SUSD4: variants seen among roughly 807,000 people sequenced by gnomAD.
The protein encoded by SUSD4 is sushi domain-containing protein 4.
SUSD4 carries 41 observed loss-of-function variants against 50.5 expected under a neutral mutation model. That is an observed-to-expected ratio of 0.81 (90% CI 0.63 to 1.05). The LOEUF is 1.05. Among genes scored for constraint, SUSD4 ranks in the 50% least tolerant of loss-of-function variants. The pLI, the probability that SUSD4 is intolerant of heterozygous loss-of-function variation, is 0.00. For synonymous variants in SUSD4, 257 were observed against 257.3 expected (o/e 1.00, Z 0.01); for missense variants, 580 against 634.7 (o/e 0.91, Z 0.93).
At chr1:223,263,534 G>A (rs1662268733) in intron 5 of SUSD4, 1 of 984,980 alleles carries the variant, frequency 1.0e-6, no homozygotes. Context: ...GTGGGAAGTG[G>A]AGTGAGGGGA....
chr1:223,222,378 T>C (rs1026587268), intron 8 of SUSD4, among the ~76,000 whole-genome samples, 158 bp from the exon 9 acceptor site: 1 of 152,168 alleles, frequency 6.6e-6, no homozygotes, highest in Non-Finnish European at 1.5e-5. Context: ...TAAATCAACC[T>C]CCTATACAAC....
At chr1:223,348,070 C>A (rs1385144934) in intron 2 of SUSD4, among the ~76,000 whole-genome samples, 3 of 151,378 alleles carry the variant, frequency 2.0e-5, no homozygotes, top group African/African-American at 7.3e-5. Context: ...ATCTAAGCAA[C>A]AGGAACATTC....
chr1:223,230,104 C>A (rs190777235), intron 5 of SUSD4, among the ~76,000 whole-genome samples: 1 of 152,156 alleles, frequency 6.6e-6, no homozygotes, highest in East Asian at 1.9e-4. Context: ...GGTTCTGACT[C>A]GAATATCCCA....
chr1:223,254,533 G>A (rs1004359350), intron 5 of SUSD4, among the ~76,000 whole-genome samples: 7 of 152,222 alleles, frequency 4.6e-5, no homozygotes, highest in African/African-American at 1.7e-4. Context: ...AGAGGATGAG[G>A]ACCATCTATC....
intron 2 of SUSD4, among the ~76,000 whole-genome samples, chr1:223,358,473 CAG>C (rs1362354846): frequency 6.6e-6 from 1 of 152,170 alleles, no homozygotes; most frequent in Admixed American, 6.5e-5. Context: ...TTGTTTATAC[CAG>C]AGTTTCCCAT....
intron 2 of SUSD4, chr1:223,360,245 T>C (rs1280825432): frequency 2.1e-6 from 1 of 470,636 alleles, no homozygotes; most frequent in Non-Finnish European, 4.4e-6. Flanking sequence ...GCTCTCTTCC[T>C]TGAAGCCTGG....
intron 5 of SUSD4, chr1:223,263,631 C>T (rs1209482161): frequency 2.0e-6 from 2 of 985,290 alleles, no homozygotes; most frequent in Middle Eastern, 5.2e-4. Flanking sequence ...CATCCTTCTC[C>T]AAAGAGATTC....
rs1659611505 is a variant in SUSD4 at position 223,227,726 on chromosome 1, G to A, written c.929C>T (p.Pro310Leu). ...GGTCAGGAGGGTCTCATGGGTGCTG[G>A]GCCACGTTTGCTCTGCATGAGGGAG... ...VYCIKSEQTW[P>L]STHETLLTTW... Residue 310 changes from proline (P) to leucine (L), a missense_variant, in exon 7 of 9, where the codon CCC becomes CTC. Physicochemically the swap from Pro to Leu is moderately conservative, Grantham distance 98 (BLOSUM62 -3). Coordinates refer to ENST00000366878, the MANE Select transcript of SUSD4 (RefSeq NM_017982.4). This position sits in a 1 kb window ranked among gnomAD's most constrained non-coding sequence, Gnocchi z 4.5. 2.5e-6 allele frequency: 4 copies of A among 1,611,828 alleles called. No individual in the cohort carries two copies. The highest frequency in any genetic ancestry group is 1.1e-5 in the South Asian group (1 of 90,504).
chr1:223,313,433 C>T (rs1665997487), intron 2 of SUSD4, among the ~76,000 whole-genome samples: 2 of 152,132 alleles, frequency 1.3e-5, no homozygotes, highest in Admixed American at 1.3e-4. Flanking sequence ...AGACCTTATC[C>T]TATGTGTGTC....
chr1:223,324,266 G>A (rs753042476), intron 2 of SUSD4, among the ~76,000 whole-genome samples: 22 of 150,702 alleles, frequency 1.5e-4, no homozygotes, highest in Non-Finnish European at 2.7e-4. Flanking sequence ...GAAGAGAAAG[G>A]AAAACAAAAC....
In SUSD4 at chr1:223,222,116, C is replaced by G. The variant is rs556839784; in HGVS notation, c.*76G>C. 17 of 1,518,230 alleles carry G rather than the reference C, an allele frequency of 1.1e-5. No homozygotes were observed. The highest frequency in any genetic ancestry group is 9.9e-6 in the Non-Finnish European group (11 of 1,109,310). The allele number at this position is 1,518,230 out of a possible 1,614,324, so 94.0% of individuals were successfully genotyped here. A position where few individuals can be genotyped will look rare whatever the true frequency, so the allele number is the denominator to read the frequency against. The stretch of plus-strand genomic sequence containing the variant: ...TAGACATTTTGCCCCCAGGCTCTAT[C>G]CTTCTGTGACCTCACTCCAAGATAC... On this transcript the variant is annotated 3_prime_UTR_variant, in exon 9 of 9. Transcript: ENST00000366878.
At chr1:223,247,954 C>T (rs1401588381) in intron 5 of SUSD4, among the ~76,000 whole-genome samples, 1 of 152,154 alleles carries the variant, frequency 6.6e-6, no homozygotes, top group East Asian at 1.9e-4. Flanking sequence ...TGGGTCTTCA[C>T]CTTTCACCGG....
intron 2 of SUSD4, among the ~76,000 whole-genome samples, chr1:223,362,907 CAA>C (rs1229723496): frequency 6.6e-6 from 1 of 150,732 alleles, no homozygotes; most frequent in Non-Finnish European, 1.5e-5. Flanking sequence ...AAGAGGTCCA[CAA>C]ATACACCACT....
chr1:223,279,847 G>A, intron 3 of SUSD4, among the ~76,000 whole-genome samples: 1 of 152,180 alleles, frequency 6.6e-6, no homozygotes, highest in Admixed American at 6.5e-5. Flanking sequence ...AGAAAGGTTA[G>A]GTTACCCACA....
intron 2 of SUSD4, among the ~76,000 whole-genome samples, chr1:223,302,875 A>G (rs539856369): frequency 6.6e-6 from 1 of 152,312 alleles, no homozygotes; most frequent in South Asian, 2.1e-4. Context: ...TACAACTAAC[A>G]TTAATAAGGA....
At chr1:223,295,384 C>A (rs539083405) in intron 2 of SUSD4, among the ~76,000 whole-genome samples, 2 of 152,306 alleles carry the variant, frequency 1.3e-5, no homozygotes, top group African/African-American at 2.4e-5. Context: ...AGGTAAAAGT[C>A]ATTCTCTCTC....
intron 2 of SUSD4, among the ~76,000 whole-genome samples, chr1:223,352,341 G>T (rs1668413270): frequency 1.3e-5 from 2 of 152,218 alleles, no homozygotes; most frequent in Admixed American, 1.3e-4. Flanking sequence ...AATGAAAACT[G>T]CAGCAGCAGA....
At chr1:223,293,522 G>A (rs1401722480) in intron 2 of SUSD4, among the ~76,000 whole-genome samples, 3 of 152,178 alleles carry the variant, frequency 2.0e-5, no homozygotes, top group African/African-American at 7.2e-5. Flanking sequence ...TGAGGTTGGA[G>A]GACAGCAGCT....
chr1:223,292,679 C>G, intron 2 of SUSD4, 28 bp from the exon 3 acceptor site: 1 of 1,609,340 alleles, frequency 6.2e-7, no homozygotes, highest in South Asian at 1.1e-5. Flanking sequence ...GGAAAAGGTG[C>G]CTATGAATAT....
Sources: gnomAD v4.1 joint callset for allele counts (sites outside exome capture counted in the v4.1 genomes callset) on GRCh38, gnomAD v4.1.1 for gene constraint, Gnocchi (gnomAD v3.1) non-coding constraint, MANE v1.5 for transcripts, NCBI Gene and HGNC (gene_info 2026-07-23, HGNC 2026-07-21) for gene names.